ZP1: variants seen among roughly 807,000 people sequenced by gnomAD.
The protein encoded by ZP1 is zona pellucida sperm-binding protein 1.
Under a neutral mutation model 67.4 loss-of-function variants are expected in ZP1, and 58 were observed. The observed-to-expected ratio is 0.86, with a 90% CI of 0.70 to 1.07. ZP1 has a LOEUF of 1.07. ZP1 is among the 50% of genes least tolerant of loss of function. The pLI is 0.00. For missense variants in ZP1, 759 were observed against 807.3 expected (o/e 0.94, Z 0.72); for synonymous variants, 333 against 332.7 (o/e 1.00, Z -0.01).
chr11:60,872,287 T>C (rs932961920), intron 6 of ZP1, among the ~76,000 whole-genome samples: 3 of 152,202 alleles, frequency 2.0e-5, no homozygotes, highest in African/African-American at 7.2e-5. Flanking sequence ...GACTCTCTGA[T>C]GTAAGAGCTC....
At position 60,867,596 on chromosome 11, in the gene ZP1, C is replaced by T; in HGVS notation, c.35C>T (p.Pro12Leu). The T allele has an allele frequency of 6.2e-7, 1 of 1,613,348 alleles. No individual in the cohort carries two copies. The highest frequency in any genetic ancestry group is 2.2e-5 in the East Asian group (1 of 44,866). Residue 12 changes from proline to leucine, a missense_variant, in exon 1 of 12, where the codon CCT becomes CTT. By Grantham distance (98) the Pro-to-Leu change is moderately conservative (BLOSUM62 -3). Coordinates refer to ENST00000278853, the MANE Select transcript of ZP1 (RefSeq NM_207341.4). ...GGCTCAGCCACGACCTGGGGTTACC[C>T]TGTGGCCCTGCTACTGCTGGTTGCC... ...AGGSATTWGY[P>L]VALLLLVATL...
At chr11:60,868,039 CTT>C (rs3044654) in intron 1 of ZP1, among the ~76,000 whole-genome samples, 40 of 140,654 alleles carry the variant, frequency 2.8e-4, no homozygotes, top group Non-Finnish European at 3.1e-4. Context: ...CATTTCTTTT[CTT>C]TTTTTTTTTT....
At position 60,871,423 on chromosome 11, in the gene ZP1, T is replaced by C. The variant is rs1340305953; in HGVS notation, c.1112+109T>C. On this transcript the variant is annotated intron_variant, in intron 6 of 11. Transcript: ENST00000278853. ...ATCTCAGCTCAAACCCAGGCTCTGCTGTTACCCGGCTATGTGATCTTAGGC... is the reference window on the plus strand; with the variant it reads ...ATCTCAGCTCAAACCCAGGCTCTGCCGTTACCCGGCTATGTGATCTTAGGC... The C allele has an allele frequency of 6.5e-6, 8 of 1,223,952 alleles. No homozygotes were observed. The Admixed American group carries it at 1.7e-4, about 25-fold the overall frequency. 75.8% of individuals were successfully genotyped at this position (1,223,952 alleles called of 1,614,324 possible). A position where few individuals can be genotyped will look rare whatever the true frequency, so the allele number is the denominator to read the frequency against.
chr11:60,867,914 G>A (rs967735779), intron 1 of ZP1, among the ~76,000 whole-genome samples, 157 bp downstream of exon 1: 4 of 152,222 alleles, frequency 2.6e-5, no homozygotes, highest in African/African-American at 9.6e-5. Context: ...AGGGCAAGGA[G>A]GAGAATCATC....
chr11:60,871,076 C>G lies in ZP1; in HGVS notation c.946C>G (p.Pro316Ala). 2 of 1,614,248 alleles carry G rather than the reference C, an allele frequency of 1.2e-6. No homozygotes were observed. The highest frequency in any genetic ancestry group is 1.7e-6 in the Non-Finnish European group (2 of 1,180,046). Reference protein sequence around the residue: ...HLAYAPTSCSPTQHTEAFVVF... With the variant: ...HLAYAPTSCSATQHTEAFVVF... Reference sequence around the variant, plus strand: ...GGCCTATGCCCCCACCAGCTGCTCCCCAACACAGCACACGGAAGCTTTCGT... The same window carrying G: ...GGCCTATGCCCCCACCAGCTGCTCCGCAACACAGCACACGGAAGCTTTCGT... Residue 316 changes from proline to alanine, a missense_variant, in exon 5 of 12, where the codon CCA becomes GCA. Coordinates refer to ENST00000278853, the MANE Select transcript of ZP1 (RefSeq NM_207341.4).
At chr11:60,870,554 A>T in intron 4 of ZP1, 79 bp downstream of exon 4, 2 of 1,513,384 alleles carry the variant, frequency 1.3e-6, no homozygotes, top group Non-Finnish European at 1.8e-6. Context: ...CAGCTGGTGG[A>T]AACTGCTTCC....
chr11:60,873,863 A>G, intron 9 of ZP1, 88 bp downstream of exon 9: 1 of 1,553,308 alleles, frequency 6.4e-7, no homozygotes, highest in East Asian at 2.3e-5. Flanking sequence ...CTGTGAACTT[A>G]TATGGACAAA....
chr11:60,874,094 T>G (rs547574393), intron 9 of ZP1, among the ~76,000 whole-genome samples: 26 of 152,324 alleles, frequency 1.7e-4, no homozygotes, highest in Middle Eastern at 3.4e-3. Context: ...TGAATTTTCT[T>G]TAACTCAGCA....
In ZP1 at chr11:60,873,194, A is replaced by C; in HGVS notation, c.1145A>C (p.Asp382Ala). 6.2e-7 allele frequency: 1 copy of C among 1,604,726 alleles called. No homozygotes were observed. The highest frequency in any genetic ancestry group is 8.5e-7 in the Non-Finnish European group (1 of 1,175,146). ...GTGCGCTGTGTCTTCAACGCCAGTG[A>C]CTTCCTGCCCATTCAGGCATCCATT... is the stretch of plus-strand genomic sequence containing the variant. Reference protein sequence around the residue: ...LHVRCVFNASDFLPIQASIFP... With the variant: ...LHVRCVFNASAFLPIQASIFP... The change falls in exon 7 of 12, where the codon GAC (aspartate) becomes GCC (alanine). Residue 382 changes from aspartate to alanine, a missense_variant. Transcript: ENST00000278853.
chr11:60,874,895 C>T, intron 9 of ZP1, 38 bp from the exon 10 acceptor site: 2 of 1,607,744 alleles, frequency 1.2e-6, no homozygotes, highest in Non-Finnish European at 1.7e-6. Flanking sequence ...CCCGGTGGCA[C>T]TGAGCCAGCC....
chr11:60,870,603 G>C, intron 4 of ZP1, 128 bp downstream of exon 4: 1 of 1,302,032 alleles, frequency 7.7e-7, no homozygotes. Context: ...AGAGCAGATG[G>C]CAGAGGAGAC....
At chr11:60,868,888 G>A (rs952106376) in intron 1 of ZP1, among the ~76,000 whole-genome samples, 5 of 152,126 alleles carry the variant, frequency 3.3e-5, no homozygotes, top group African/African-American at 1.2e-4. Flanking sequence ...CCTCATCTTC[G>A]TGCCTGCCTG....
At chr11:60,874,870 C>A (rs1255305130) in intron 9 of ZP1, 63 bp from the exon 10 acceptor site, 41 of 1,536,202 alleles carry the variant, frequency 2.7e-5, no homozygotes, top group Non-Finnish European at 3.5e-5. Flanking sequence ...CATGTCCTTC[C>A]CTTTGTGCTT....
Position 60,870,349 on chromosome 11 carries a change from G to A in ZP1, c.700G>A (p.Glu234Lys), listed in dbSNP as rs137927540. The change falls in exon 4 of 12, where the codon GAG (glutamate) becomes AAG (lysine). Residue 234 changes from glutamate (E) to lysine (K), a missense_variant. Physicochemically the swap from Glu to Lys is moderately conservative, Grantham distance 56. Transcript: ENST00000278853. ...RDYIGTHLSQ[E>K]QCQVASGHLP... is the part of the protein sequence containing the mutation. Reference sequence around the variant, plus strand: ...AACCCTAGGTACCCACCTGAGCCAGGAGCAGTGCCAGGTGGCCTCAGGGCA... The same window carrying A: ...AACCCTAGGTACCCACCTGAGCCAGAAGCAGTGCCAGGTGGCCTCAGGGCA... The A allele has an allele frequency of 7.9e-5, 127 of 1,608,612 alleles. No individual in the cohort carries two copies. In the African/African-American group the frequency reaches 8.4e-4, roughly 11 times the overall value.
intron 1 of ZP1, 47 bp downstream of exon 1, chr11:60,867,804 G>A: frequency 6.3e-7 from 1 of 1,582,660 alleles, no homozygotes; most frequent in African/African-American, 1.3e-5. Flanking sequence ...GCCACGGGCT[G>A]CTGCCAGAAG....
chr11:60,867,600 G>C lies in ZP1; in HGVS notation c.39G>C (p.Val13=). The C allele has an allele frequency of 6.2e-7, 1 of 1,613,380 alleles. No homozygotes were observed. Among genetic ancestry groups the C allele is most frequent in the East Asian group, 2.2e-5 (1 of 44,864 alleles). Residue 13 remains valine, a synonymous_variant, in exon 1 of 12, where the codon GTG becomes GTC. Coordinates refer to ENST00000278853, the MANE Select transcript of ZP1 (RefSeq NM_207341.4). ...CAGCCACGACCTGGGGTTACCCTGT[G>C]GCCCTGCTACTGCTGGTTGCCACCC... ...GGSATTWGYP[V]ALLLLVATLG...
intron 3 of ZP1, among the ~76,000 whole-genome samples, chr11:60,870,112 G>C (rs1006733855): frequency 3.3e-5 from 5 of 152,172 alleles, no homozygotes; most frequent in Non-Finnish European, 5.9e-5. Context: ...TTGTAAATTT[G>C]TTTCCTAACT....
intron 11 of ZP1, 121 bp downstream of exon 11, chr11:60,875,369 G>C (rs1855683117): frequency 6.6e-7 from 1 of 1,513,950 alleles, no homozygotes; most frequent in Non-Finnish European, 8.8e-7. Flanking sequence ...ACTGCAGTCA[G>C]TGGGGAACTA....
intron 11 of ZP1, 22 bp downstream of exon 11, chr11:60,875,270 C>A (rs771922675): frequency 1.9e-6 from 3 of 1,600,610 alleles, no homozygotes; most frequent in Non-Finnish European, 1.7e-6. Context: ...TCTGGGTGGG[C>A]CCCTCAGGCC....
Sources: gnomAD v4.1 joint callset for allele counts (sites outside exome capture counted in the v4.1 genomes callset) on GRCh38, gnomAD v4.1.1 for gene constraint, MANE v1.5 for transcripts, NCBI Gene and HGNC (gene_info 2026-07-23, HGNC 2026-07-21) for gene names.